Variants in RBM24 observed in about 807,000 individuals in gnomAD.
RBM24 encodes RNA-binding protein 24.
RBM24 carries 5 observed loss-of-function variants against 23.6 expected under a neutral mutation model. The observed-to-expected ratio is 0.21, with a 90% CI of 0.11 to 0.45. The LOEUF (loss-of-function observed/expected upper bound fraction) is 0.45. Among genes scored for constraint, RBM24 ranks in the 20% least tolerant of loss-of-function variants. RBM24 has a pLI of 0.99. For synonymous variants in RBM24, 151 were observed against 129.5 expected, an observed-to-expected ratio of 1.17 and a Z score of -1.13; for missense variants, 252 against 314.6, an observed-to-expected ratio of 0.80 and a Z score of 1.51.
chr6:17,283,041 T>TTGAACCATGGCTTGTTATTCTACCA, intron 2 of RBM24, 113 bp downstream of exon 2: 2 of 726,914 alleles, frequency 2.8e-6, no homozygotes, highest in Non-Finnish European at 4.7e-6. Context: ...TTTAGTAAAC[T>TTGAACCATGGCTTGTTATTCTACCA]TGAACCATGG....
At chr6:17,290,043 G>A (rs1387010419) in intron 3 of RBM24, 2 of 1,289,308 alleles carry the variant, frequency 1.6e-6, no homozygotes, top group South Asian at 1.2e-5. Flanking sequence ...CGTTTCTCCT[G>A]GCACTGGGAA....
intron 3 of RBM24, among the ~76,000 whole-genome samples, chr6:17,291,529 C>T (rs1020723717): frequency 6.6e-6 from 1 of 152,148 alleles, no homozygotes; most frequent in Non-Finnish European, 1.5e-5. Context: ...TCATACATGA[C>T]AATTCTAGCA....
chr6:17,286,997 T>C (rs916440196), intron 3 of RBM24, among the ~76,000 whole-genome samples: 5 of 152,356 alleles, frequency 3.3e-5, no homozygotes, highest in African/African-American at 9.6e-5. Flanking sequence ...CTTTTGTTTT[T>C]CACCTCTTCT....
intron 1 of RBM24, 181 bp from the exon 2 acceptor site, chr6:17,282,623 GC>G: frequency 1.3e-5 from 1 of 75,274 alleles, no homozygotes; most frequent in Non-Finnish European, 2.4e-5. Flanking sequence ...CCCCCCCCAC[GC>G]CCCCGCCCGC....
chr6:17,291,451 T>C lies in RBM24; in HGVS notation c.348-305T>C, dbSNP rs80286420. On this transcript the variant is annotated intron_variant, in intron 3 of 3. Transcript: ENST00000379052. ...GCACTTGTTAAACCTCTCTTACGTG[T>C]GTAGCCCTCATGAATCTTGATTTAT... Among the ~76,000 whole-genome samples the C allele has an allele frequency of 7.8e-3, 1,194 of 152,316 alleles. 13 individuals are homozygous for C. The highest frequency in any genetic ancestry group is 0.028 in the African/African-American group (1,152 of 41,572).
rs1760026973 is a variant in RBM24, at chr6:17,281,874, C to T, written c.168+125C>T. 7.2e-7 allele frequency: 1 copy of T among 1,383,258 alleles called. No homozygotes were observed. The highest frequency in any genetic ancestry group is 1.5e-5 in the African/African-American group (1 of 68,084). The allele number at this position is 1,383,258 out of a possible 1,614,324, so 85.7% of individuals were successfully genotyped here. On this transcript the variant is annotated intron_variant, in intron 1 of 3. Transcript: ENST00000379052. This position sits in a 1 kb window ranked among gnomAD's most constrained non-coding sequence, Gnocchi z 7.1. ...GCCCCGCGGGTAGAGCGGCGCTGCC[C>T]CTTCGCTCCGGGGTGAACTGAAACT... is the stretch of plus-strand genomic sequence containing the variant.
In RBM24 at chr6:17,291,024, G is replaced by A. The variant is rs1284181003; in HGVS notation, c.348-732G>A. 4.2e-5 allele frequency: 22 copies of A among 518,732 alleles called. No homozygotes were observed. The East Asian group carries it at 7.5e-4, about 18-fold the overall frequency. The allele number at this position is 518,732 out of a possible 1,614,324, so 32.1% of individuals were successfully genotyped here. On this transcript the variant is annotated intron_variant, in intron 3 of 3. Coordinates refer to ENST00000379052, the MANE Select transcript of RBM24 (RefSeq NM_001143942.2). ...TAATAGCATTTTTGTAGCTTCCCAC[G>A]ACAGCCTCTTGTGACAGAGTGAGCT...
chr6:17,282,037 G>T (rs1000099957), intron 1 of RBM24: 15 of 1,295,864 alleles, frequency 1.2e-5, no homozygotes, highest in Non-Finnish European at 1.3e-5. Context: ...GGTGCGGAGG[G>T]TTGCGAGGGA....
Position 17,291,849 on chromosome 6 carries a change from C to A in RBM24, c.441C>A (p.Thr147=). The change falls in exon 4 of 4, where the codon ACC becomes ACA. Residue 147 remains threonine (T), a synonymous_variant. Coordinates refer to ENST00000379052, the MANE Select transcript of RBM24 (RefSeq NM_001143942.2). ...CGACAGCAGCTGCCGCCTCCACCAC[C>A]CCTTACATTGATTACACTGGAGCTG... ...VQPTAAAAST[T]PYIDYTGAAY... is the part of the protein sequence containing the mutation. 6.2e-7 allele frequency: 1 copy of A among 1,614,110 alleles called. No individual in the cohort carries two copies. The highest frequency in any genetic ancestry group is 8.5e-7 in the Non-Finnish European group (1 of 1,180,018).
chr6:17,283,140 C>T, intron 2 of RBM24: 1 of 524,382 alleles, frequency 1.9e-6, no homozygotes, highest in Non-Finnish European at 3.4e-6. Context: ...AAAAATGGAT[C>T]TTGGGGGTCG....
At chr6:17,289,669 G>A (rs992230976) in intron 3 of RBM24, 19 of 985,250 alleles carry the variant, frequency 1.9e-5, no homozygotes, top group African/African-American at 8.7e-5. Flanking sequence ...TTAAGGTTTC[G>A]GTGTCAGTGA....
Position 17,281,767 on chromosome 6 carries a change from G to A in RBM24, c.168+18G>A. The A allele has an allele frequency of 6.5e-7, 1 of 1,547,548 alleles. No homozygotes were observed. ...ATGGATTTGTAAGTTGCACGGACTG[G>A]GGGTGACGGGGAGGGACGGAGTGGC... On this transcript the variant is annotated intron_variant, in intron 1 of 3. Transcript: ENST00000379052. The surrounding 1 kb of genome is among the most constrained non-coding windows in gnomAD (Gnocchi z 7.1).
rs1157634314 is a variant in RBM24, at chr6:17,291,860, A to G, written c.452A>G (p.Asp151Gly). ...GCCGCCTCCACCACCCCTTACATTG[A>G]TTACACTGGAGCTGCATACGCACAA... The part of the protein sequence containing the change: ...AAAASTTPYI[D>G]YTGAAYAQYS... Residue 151 changes from aspartate (D) to glycine (G), a missense_variant, in exon 4 of 4, where the codon GAT (aspartate) becomes GGT (glycine). Transcript: ENST00000379052. 1.9e-6 allele frequency: 3 copies of G among 1,613,868 alleles called. No homozygotes were observed. In the South Asian group the frequency reaches 3.3e-5, roughly 18 times the overall value.
intron 2 of RBM24, among the ~76,000 whole-genome samples, chr6:17,284,246 A>G (rs905446050): frequency 1.3e-5 from 2 of 152,232 alleles, no homozygotes; most frequent in African/African-American, 4.8e-5. Context: ...TGTAAAACCC[A>G]TAATCTTCCA....
At chr6:17,290,869 C>A (rs1226764430) in intron 3 of RBM24, 1 of 1,289,680 alleles carries the variant, frequency 7.8e-7, no homozygotes, top group Non-Finnish European at 1.0e-6. Context: ...GCTGGCTGAC[C>A]CTCAGGTGCC....
intron 1 of RBM24, chr6:17,282,244 T>G (rs1436915494): frequency 7.7e-7 from 1 of 1,290,668 alleles, no homozygotes; most frequent in Non-Finnish European, 1.0e-6. Flanking sequence ...ATCATGATCC[T>G]AGGGCTCTTT....
rs534763546 is a variant in RBM24 at position 17,283,467 on chromosome 6, G to A, written c.292+539G>A. On this transcript the variant is annotated intron_variant, in intron 2 of 3. Coordinates refer to ENST00000379052, the MANE Select transcript of RBM24 (RefSeq NM_001143942.2). ...AGTTTCGTTCTTGTTGCCCAGGCTG[G>A]AGTGCAATGACGCGATCTAGGCTCA... 7.2e-5 allele frequency among the ~76,000 whole-genome samples: 11 copies of A among 152,254 alleles called. No individual in the cohort carries two copies. The South Asian group carries it at 2.3e-3, about 32-fold the overall frequency.
chr6:17,283,335 G>A (rs1226071528), intron 2 of RBM24, among the ~76,000 whole-genome samples: 3 of 152,138 alleles, frequency 2.0e-5, no homozygotes, highest in Non-Finnish European at 4.4e-5. Context: ...AGCACCAGTT[G>A]CACTGTGCTC....
Position 17,293,643 on chromosome 6 carries a change from T to G in RBM24, c.*1524T>G, listed in dbSNP as rs530831246. ...AACTAAATTGAATACTATTTTACAC[T>G]GTATTGGATTTTTATACTTGAACAA... On this transcript the variant is annotated 3_prime_UTR_variant, in exon 4 of 4. Transcript: ENST00000379052. The G allele has an allele frequency of 6.5e-6, 1 of 152,742 alleles. No individual in the cohort carries two copies. The highest frequency in any genetic ancestry group is 1.9e-4 in the East Asian group (1 of 5,192). 9.5% of individuals were successfully genotyped at this position (152,742 alleles called of 1,614,324 possible).
Sources: gnomAD v4.1 joint callset for allele counts (sites outside exome capture counted in the v4.1 genomes callset) on GRCh38, gnomAD v4.1.1 for gene constraint, Gnocchi (gnomAD v3.1) non-coding constraint, MANE v1.5 for transcripts, NCBI Gene and HGNC (gene_info 2026-07-23, HGNC 2026-07-21) for gene names.